JAKMIP3: variants seen among roughly 807,000 people sequenced by gnomAD.
JAKMIP3 encodes janus kinase and microtubule-interacting protein 3.
JAKMIP3 carries 58 observed loss-of-function variants against 118.5 expected under a neutral mutation model. That is an observed-to-expected ratio of 0.49 (90% CI 0.40 to 0.61). The LOEUF (loss-of-function observed/expected upper bound fraction) is 0.61. Among genes scored for constraint, JAKMIP3 ranks in the 20% least tolerant of loss-of-function variants. The pLI is 0.00. For missense variants in JAKMIP3, 950 were observed against 1,109.0 expected (o/e 0.86, Z 2.04); for synonymous variants, 486 against 451.2 (o/e 1.08, Z -0.98).
At chr10:132,103,683 A>G (rs2045464662) in intron 1 of JAKMIP3, among the ~76,000 whole-genome samples, 1 of 151,986 alleles carries the variant, frequency 6.6e-6, no homozygotes, top group Admixed American at 6.5e-5. Flanking sequence ...CTGATTGCCT[A>G]CACCAGGTCC....
chr10:132,153,113 G>T, intron 17 of JAKMIP3, 90 bp downstream of exon 17: 2 of 1,063,640 alleles, frequency 1.9e-6, no homozygotes, highest in South Asian at 2.7e-5. Context: ...CTCGGGAGGA[G>T]GGCCTGCAGG....
At chr10:132,170,408 G>A (rs1028140350) in intron 23 of JAKMIP3, among the ~76,000 whole-genome samples, 23 of 152,112 alleles carry the variant, frequency 1.5e-4, no homozygotes, top group African/African-American at 2.2e-4. Flanking sequence ...CACCCCCTGC[G>A]GGCCAGGCCT....
intron 1 of JAKMIP3, among the ~76,000 whole-genome samples, chr10:132,059,620 A>G (rs1564854646): frequency 6.6e-6 from 1 of 152,216 alleles, no homozygotes; most frequent in Non-Finnish European, 1.5e-5. Context: ...AGCCTCCAGC[A>G]GTCTTCAGAG....
At chr10:132,101,723 G>C (rs959783345) in intron 1 of JAKMIP3, among the ~76,000 whole-genome samples, 5 of 152,074 alleles carry the variant, frequency 3.3e-5, no homozygotes, top group African/African-American at 1.2e-4. Flanking sequence ...AAGGAAGCTG[G>C]AGCCCTGTGT....
chr10:132,142,997 G>A (rs2053853950), intron 11 of JAKMIP3, among the ~76,000 whole-genome samples: 1 of 152,158 alleles, frequency 6.6e-6, no homozygotes, highest in Admixed American at 6.5e-5. Context: ...GCCCCAGGGA[G>A]CCGCCAGCCT....
chr10:132,095,545 C>A (rs1383622104), intron 1 of JAKMIP3, among the ~76,000 whole-genome samples: 2 of 152,220 alleles, frequency 1.3e-5, no homozygotes, highest in Non-Finnish European at 2.9e-5. Context: ...ATAGCTTGGG[C>A]ACTCACAGTA....
chr10:132,069,885 G>A (rs1251900768), intron 1 of JAKMIP3, among the ~76,000 whole-genome samples: 1 of 152,226 alleles, frequency 6.6e-6, no homozygotes, highest in Non-Finnish European at 1.5e-5. Context: ...CCCTGTGTGT[G>A]GGCACTGATG....
intron 1 of JAKMIP3, among the ~76,000 whole-genome samples, chr10:132,076,433 C>T (rs866335089): frequency 6.6e-6 from 1 of 152,266 alleles, no homozygotes; most frequent in African/African-American, 2.4e-5. Flanking sequence ...GGGTCATTTC[C>T]GCTTTTTGGC....
Position 132,133,367 on chromosome 10 carries a change from G to T in JAKMIP3, c.689G>T (p.Gly230Val). The change falls in exon 4 of 24, where the codon GGG becomes GTG. Residue 230 changes from glycine to valine, a missense_variant. Physicochemically the swap from Gly to Val is moderately radical, Grantham distance 109. Coordinates refer to ENST00000684848, the MANE Select transcript of JAKMIP3 (RefSeq NM_001323087.2). ...RAVFVLEREL[G>V]VQAGHAQRLQ... ...GTCTTCGTGCTGGAGAGAGAGTTAG[G>T]GGTTCAAGCCGGGCATGCTCAGAGA... 1 of 1,602,976 alleles carries T rather than the reference G, an allele frequency of 6.2e-7. No homozygotes were observed. Among genetic ancestry groups the T allele is most frequent in the Non-Finnish European group, 8.5e-7 (1 of 1,174,810 alleles).
chr10:132,113,957 G>A (rs1049789848), intron 2 of JAKMIP3, among the ~76,000 whole-genome samples: 21 of 152,206 alleles, frequency 1.4e-4, no homozygotes, highest in African/African-American at 4.6e-4. Context: ...TGCCTGTGCC[G>A]TGCGACTTTG....
chr10:132,150,029 T>C lies in JAKMIP3; in HGVS notation c.1995T>C (p.Asp665=), dbSNP rs752851259. Residue 665 remains aspartate, a synonymous_variant, in exon 16 of 24, where the codon GAT becomes GAC. Transcript: ENST00000684848. ...ELMKKLDILG[D]NAVSNLTNEE... ...TGAAGAAGCTGGACATCCTGGGCGA[T>C]AACGCCGTAAGTGTATGTCGCTCTC... 12 of 1,595,314 alleles carry C rather than the reference T, an allele frequency of 7.5e-6. No homozygotes were observed. Among genetic ancestry groups the C allele is most frequent in the Non-Finnish European group, 1.0e-5 (12 of 1,173,334 alleles).
At chr10:132,062,410 C>T (rs771865024), upstream of JAKMIP3, among the ~76,000 whole-genome samples, 25 of 152,168 alleles carry the variant, frequency 1.6e-4, no homozygotes, top group Non-Finnish European at 3.1e-4. Context: ...GACAGGGGTG[C>T]TCGTGGCAGC....
intron 1 of JAKMIP3, among the ~76,000 whole-genome samples, chr10:132,045,683 C>G (rs975265210): frequency 6.6e-6 from 1 of 152,142 alleles, no homozygotes; most frequent in Non-Finnish European, 1.5e-5. Context: ...AATCCCAGCA[C>G]TTTGGGAGAC....
chr10:132,150,680 TCATTTATCCGTCCTCCATAATC>T (rs2055949521), intron 16 of JAKMIP3, among the ~76,000 whole-genome samples: 3 of 143,856 alleles, frequency 2.1e-5, no homozygotes, highest in African/African-American at 8.1e-5. Flanking sequence ...CCTCCACAAT[TCATTTATCCGTCCTCCATAATC>T]CATCTATCCG....
chr10:132,151,066 AC>A (rs2056098013), intron 16 of JAKMIP3, among the ~76,000 whole-genome samples: 2 of 148,628 alleles, frequency 1.3e-5, no homozygotes, highest in Admixed American at 6.7e-5. Context: ...TTAACCTTTC[AC>A]CCATCCATCC....
chr10:132,121,840 T>C (rs2048585161), intron 3 of JAKMIP3, among the ~76,000 whole-genome samples: 1 of 152,134 alleles, frequency 6.6e-6, no homozygotes, highest in Non-Finnish European at 1.5e-5. Flanking sequence ...GGGTGGAACC[T>C]GTCCCACCAA....
At chr10:132,150,125 G>T in intron 16 of JAKMIP3, 84 bp downstream of exon 16, 1 of 1,092,292 alleles carries the variant, frequency 9.2e-7, no homozygotes, top group Non-Finnish European at 1.3e-6. Context: ...GGCCCTGCCA[G>T]CCTCCCACAG....
At position 132,182,344 on chromosome 10, in the gene JAKMIP3, C is replaced by T. The variant is rs965771561; in HGVS notation, c.*1104-13C>T. ...TCGTCGCACTAAACGGCGTTTTCTC[C>T]ACTCTTTTTCAGAGAGGAAGCAGTG... On this transcript the variant is annotated splice_polypyrimidine_tract_variant and intron_variant, in intron 23 of 23. Coordinates refer to ENST00000684848, the MANE Select transcript of JAKMIP3 (RefSeq NM_001323087.2). 6 of 152,246 alleles carry T rather than the reference C, an allele frequency of 3.9e-5. No individual in the cohort carries two copies. The highest frequency in any genetic ancestry group is 8.8e-5 in the Non-Finnish European group (6 of 68,046). 9.4% of individuals were successfully genotyped at this position (152,246 alleles called of 1,614,324 possible).
intron 1 of JAKMIP3, among the ~76,000 whole-genome samples, chr10:132,073,590 G>A (rs192757542): frequency 5.3e-5 from 8 of 150,680 alleles, no homozygotes; most frequent in East Asian, 3.9e-4. Context: ...TTGACCTCCC[G>A]GGCTCAAGCG....
Sources: gnomAD v4.1 joint callset for allele counts (sites outside exome capture counted in the v4.1 genomes callset) on GRCh38, gnomAD v4.1.1 for gene constraint, MANE v1.5 for transcripts, NCBI Gene and HGNC (gene_info 2026-07-23, HGNC 2026-07-21) for gene names.